The following ROBO2 variants were observed in gnomAD, a reference collection of about 807,000 sequenced individuals.
The protein encoded by ROBO2 is roundabout guidance receptor 2, also known as roundabout homolog 2.
In ROBO2, 53 loss-of-function variants were observed where a neutral mutation model predicts 160.8. The ratio of observed to expected loss-of-function variants is 0.33; its 90% CI spans 0.26 to 0.41. The LOEUF (loss-of-function observed/expected upper bound fraction) is 0.41. ROBO2 is among the 10% of genes least tolerant of loss of function. ROBO2 has a pLI of 1.00. For missense variants in ROBO2, 1,577 were observed against 1,722.4 expected, an observed-to-expected ratio of 0.92 and a Z score of 1.49; for synonymous variants, 664 against 611.7, an observed-to-expected ratio of 1.09 and a Z score of -1.26.
chr3:77,493,616 T>A (rs2086413540), intron 5 of ROBO2, among the ~76,000 whole-genome samples: 1 of 152,138 alleles, frequency 6.6e-6, no homozygotes, highest in Non-Finnish European at 1.5e-5. Context: ...ATTCCACCTC[T>A]TATCCCCAGA....
intron 2 of ROBO2, among the ~76,000 whole-genome samples, chr3:76,164,245 A>AT (rs528453406): frequency 6.6e-6 from 1 of 152,270 alleles, no homozygotes; most frequent in South Asian, 2.1e-4. Context: ...TTTTCTTGGT[A>AT]TTTCTGCTGC....
chr3:77,407,664 C>A (rs2076360988), intron 2 of ROBO2, among the ~76,000 whole-genome samples: 1 of 152,200 alleles, frequency 6.6e-6, no homozygotes, highest in African/African-American at 2.4e-5. Flanking sequence ...GGCTAATCCT[C>A]CCAGCCTCCT....
chr3:77,003,595 C>G (rs1049048276), intron 2 of ROBO2, among the ~76,000 whole-genome samples: 4 of 152,158 alleles, frequency 2.6e-5, no homozygotes, highest in African/African-American at 7.2e-5. Context: ...GAGTCTCACT[C>G]TGTCACTCAG....
intron 2 of ROBO2, among the ~76,000 whole-genome samples, chr3:76,498,805 C>T (rs958747767): frequency 4.6e-5 from 7 of 151,706 alleles, no homozygotes; most frequent in Non-Finnish European, 4.4e-5. Context: ...TTCTCTGCCT[C>T]AGCCTCCTGA....
At chr3:76,655,439 CAT>C (rs747521584) in intron 2 of ROBO2, among the ~76,000 whole-genome samples, 13 of 57,768 alleles carry the variant, frequency 2.3e-4, no homozygotes, top group South Asian at 1.2e-3. Flanking sequence ...GATTTTTTTC[CAT>C]ATATATATAT....
intron 2 of ROBO2, among the ~76,000 whole-genome samples, chr3:76,022,175 C>A (rs1452090168): frequency 6.6e-6 from 1 of 151,834 alleles, no homozygotes; most frequent in African/African-American, 2.4e-5. Context: ...AACTCAGTCA[C>A]ATCTTCAGGC....
At chr3:76,340,221 A>G (rs1559791138) in intron 2 of ROBO2, among the ~76,000 whole-genome samples, 2 of 152,166 alleles carry the variant, frequency 1.3e-5, no homozygotes, top group African/African-American at 4.8e-5. Flanking sequence ...GATGAGTTAA[A>G]AGCAATTGCA....
At chr3:76,787,051 A>G (rs1248721863) in intron 2 of ROBO2, among the ~76,000 whole-genome samples, 1 of 151,048 alleles carries the variant, frequency 6.6e-6, no homozygotes, top group Non-Finnish European at 1.5e-5. Context: ...AGTTCTACAT[A>G]TGTTCAAACA....
At chr3:76,957,168 A>C (rs986504597) in intron 2 of ROBO2, among the ~76,000 whole-genome samples, 1 of 151,930 alleles carries the variant, frequency 6.6e-6, no homozygotes, top group African/African-American at 2.4e-5. Flanking sequence ...CAAAATAATA[A>C]TTTATTTCTA....
intron 2 of ROBO2, among the ~76,000 whole-genome samples, chr3:76,796,206 G>A (rs2063680985): frequency 2.0e-5 from 3 of 152,118 alleles, no homozygotes; most frequent in South Asian, 4.2e-4. Flanking sequence ...TCGAAGCCAG[G>A]CATTAACTTC....
chr3:76,465,996 T>TGG (rs754071545), intron 2 of ROBO2, among the ~76,000 whole-genome samples: 8 of 77,400 alleles, frequency 1.0e-4, no homozygotes, highest in Non-Finnish European at 2.0e-4. Context: ...GGATAAAATA[T>TGG]GGGTGTGTGT....
intron 2 of ROBO2, among the ~76,000 whole-genome samples, chr3:76,028,129 A>G (rs2066802864): frequency 1.3e-5 from 2 of 149,298 alleles, no homozygotes; most frequent in Admixed American, 6.7e-5. Context: ...ATATACTGAG[A>G]TGAGAAAATC....
At chr3:77,416,717 A>C (rs2077259930) in intron 2 of ROBO2, among the ~76,000 whole-genome samples, 2 of 20,010 alleles carry the variant, frequency 1.0e-4, no homozygotes, top group African/African-American at 2.8e-4. Context: ...ATTCCATCTC[A>C]AAAAAAAAAA....
chr3:76,710,335 G>T (rs754737236), intron 2 of ROBO2, among the ~76,000 whole-genome samples: 3 of 152,080 alleles, frequency 2.0e-5, no homozygotes, highest in Non-Finnish European at 4.4e-5. Flanking sequence ...TGGCCAGGAT[G>T]GTCTTGATCC....
At chr3:76,429,109 T>C (rs1410454073) in intron 2 of ROBO2, among the ~76,000 whole-genome samples, 1 of 152,028 alleles carries the variant, frequency 6.6e-6, no homozygotes, top group Non-Finnish European at 1.5e-5. Context: ...TTCTTCTGGA[T>C]CCAAACATTA....
intron 2 of ROBO2, among the ~76,000 whole-genome samples, chr3:77,140,644 A>G (rs1361928192): frequency 1.3e-5 from 2 of 152,162 alleles, no homozygotes; most frequent in South Asian, 2.1e-4. Flanking sequence ...CTGACCATCT[A>G]TCAACATGTT....
intron 2 of ROBO2, chr3:76,434,288 AG>A (rs1241208378): frequency 9.8e-7 from 1 of 1,019,934 alleles, no homozygotes; most frequent in African/African-American, 1.6e-5. Flanking sequence ...AACAGCCAGC[AG>A]ATAATAAGCT....
intron 2 of ROBO2, among the ~76,000 whole-genome samples, chr3:76,174,220 T>C (rs2073145068): frequency 6.6e-6 from 1 of 152,196 alleles, no homozygotes; most frequent in Non-Finnish European, 1.5e-5. Flanking sequence ...GTTTGCTTTT[T>C]TCTTGTAAAT....
intron 1 of ROBO2, among the ~76,000 whole-genome samples, chr3:77,055,621 C>T (rs887482037): frequency 1.3e-5 from 2 of 152,116 alleles, no homozygotes; most frequent in Admixed American, 6.6e-5. Context: ...CTCATTTACG[C>T]ATAATATATC....
Sources: gnomAD v4.1 joint callset for allele counts (sites outside exome capture counted in the v4.1 genomes callset) on GRCh38, gnomAD v4.1.1 for gene constraint, MANE v1.5 for transcripts, NCBI Gene and HGNC (gene_info 2026-07-23, HGNC 2026-07-21) for gene names.